Variants in FSTL5 observed in about 807,000 individuals in gnomAD.
The protein encoded by FSTL5 is follistatin like 5, also known as follistatin-related protein 5.
A neutral mutation model predicts 89.1 loss-of-function variants in FSTL5; 62 were observed. The observed-to-expected ratio is 0.70, with a 90% CI of 0.57 to 0.86. The LOEUF is 0.86. FSTL5 is among the 40% of genes least tolerant of loss of function. The pLI, the probability that FSTL5 is intolerant of heterozygous loss-of-function variation, is 0.00. For synonymous variants in FSTL5, 383 were observed against 346.2 expected, an observed-to-expected ratio of 1.11 and a Z score of -1.18; for missense variants, 1,057 against 1,001.6, an observed-to-expected ratio of 1.06 and a Z score of -0.75.
At chr4:161,834,115 G>A (rs1236678411) in intron 4 of FSTL5, among the ~76,000 whole-genome samples, 5 of 151,996 alleles carry the variant, frequency 3.3e-5, no homozygotes, top group Non-Finnish European at 7.4e-5. Context: ...TGATCAAGTG[G>A]GCTTCATCCC....
intron 1 of FSTL5, among the ~76,000 whole-genome samples, chr4:162,140,649 G>A (rs2111479277): frequency 6.6e-6 from 1 of 152,274 alleles, no homozygotes; most frequent in East Asian, 1.9e-4. Flanking sequence ...TCAGACTGAT[G>A]TATTGATAAT....
rs187532811 is a variant in FSTL5, at chr4:161,926,723, G to C, written c.161-6071C>G. On this transcript the variant is annotated intron_variant, in intron 3 of 15. Coordinates refer to ENST00000306100, the MANE Select transcript of FSTL5 (RefSeq NM_020116.5). ...AAACTTGATAACAAATTCCACAAAG[G>C]ATTTTCTAATTATTAATTTTTCCTT... Among the ~76,000 whole-genome samples, 184 of 151,772 alleles carry C rather than the reference G, an allele frequency of 1.2e-3. 1 individual carries two copies. The highest frequency in any genetic ancestry group is 5.0e-3 in the Admixed American group (76 of 15,186).
chr4:162,026,093 C>G (rs1444389220), intron 3 of FSTL5, among the ~76,000 whole-genome samples: 1 of 149,724 alleles, frequency 6.7e-6, no homozygotes, highest in Non-Finnish European at 1.5e-5. Context: ...TTTTTATTGG[C>G]AAATAAAACA....
intron 8 of FSTL5, among the ~76,000 whole-genome samples, chr4:161,571,590 C>T (rs939004096): frequency 5.3e-5 from 8 of 152,086 alleles, no homozygotes; most frequent in African/African-American, 1.9e-4. Flanking sequence ...AAACTGAATA[C>T]TGCGCAAGAT....
intron 4 of FSTL5, among the ~76,000 whole-genome samples, chr4:161,860,132 C>CA (rs1426500987): frequency 6.6e-6 from 1 of 151,762 alleles, no homozygotes; most frequent in African/African-American, 2.4e-5. Context: ...ACTAAAAATA[C>CA]AAAAAATTAG....
intron 7 of FSTL5, among the ~76,000 whole-genome samples, chr4:161,651,468 T>A (rs1404727284): frequency 3.3e-5 from 5 of 152,244 alleles, no homozygotes; most frequent in Middle Eastern, 3.4e-3. Flanking sequence ...AAATTACTAT[T>A]TTTTTAGGTA....
chr4:161,693,346 A>AT, intron 6 of FSTL5, among the ~76,000 whole-genome samples: 1 of 152,118 alleles, frequency 6.6e-6, no homozygotes, highest in African/African-American at 2.4e-5. Context: ...TTCCTCTTAT[A>AT]TTTTTGTAAG....
chr4:161,717,891 G>A (rs1021212764), intron 6 of FSTL5, among the ~76,000 whole-genome samples: 7 of 152,020 alleles, frequency 4.6e-5, no homozygotes, highest in African/African-American at 1.7e-4. Context: ...ATAGGTTATA[G>A]TTATTAAAAA....
chr4:161,688,427 A>G (rs545931824), intron 6 of FSTL5, among the ~76,000 whole-genome samples: 3 of 152,266 alleles, frequency 2.0e-5, no homozygotes, highest in Admixed American at 6.5e-5. Flanking sequence ...AATAGATGAA[A>G]ACAAAACTGC....
chr4:161,557,030 T>C (rs942629877), intron 8 of FSTL5, among the ~76,000 whole-genome samples: 23 of 151,358 alleles, frequency 1.5e-4, no homozygotes, highest in African/African-American at 5.6e-4. Flanking sequence ...CTACTTGTAC[T>C]TGGAAGTTCT....
At chr4:162,023,222 A>T (rs1737158930) in intron 3 of FSTL5, among the ~76,000 whole-genome samples, 1 of 152,040 alleles carries the variant, frequency 6.6e-6, no homozygotes, top group Admixed American at 6.6e-5. Flanking sequence ...GCAATCTAAG[A>T]CTCAGGAAGA....
chr4:161,781,171 G>C (rs188143961), intron 4 of FSTL5, among the ~76,000 whole-genome samples: 160 of 151,824 alleles, frequency 1.1e-3, no homozygotes, highest in Non-Finnish European at 1.8e-3. Flanking sequence ...TGTATTTAAA[G>C]CATAAAAAAG....
Position 161,455,104 on chromosome 4 carries a change from C to T in FSTL5, c.1741G>A (p.Val581Met). The change falls in exon 15 of 16, where the codon GTG becomes ATG. Residue 581 changes from valine (V) to methionine (M), a missense_variant. Physicochemically the swap from Val to Met is conservative, Grantham distance 21. Coordinates refer to ENST00000306100, the MANE Select transcript of FSTL5 (RefSeq NM_020116.5). ...LQVITLASGN[V>M]PHHTIHTQPV... ...TGGGTGTGGATCGTGTGGTGAGGCACATTCCCACTGGCCAGGGTAATTACC... is the reference window on the plus strand; with the variant it reads ...TGGGTGTGGATCGTGTGGTGAGGCATATTCCCACTGGCCAGGGTAATTACC... The T allele has an allele frequency of 2.5e-6, 4 of 1,610,286 alleles. No homozygotes were observed. Among genetic ancestry groups the T allele is most frequent in the South Asian group, 1.1e-5 (1 of 90,562 alleles).
intron 2 of FSTL5, among the ~76,000 whole-genome samples, chr4:162,079,302 C>T (rs1490568359): frequency 4.0e-5 from 6 of 151,644 alleles, no homozygotes; most frequent in Non-Finnish European, 8.9e-5. Flanking sequence ...AGCATGTCTA[C>T]ATGTCTATTT....
intron 1 of FSTL5, among the ~76,000 whole-genome samples, chr4:162,131,814 C>G (rs1203273923): frequency 6.6e-6 from 1 of 152,224 alleles, no homozygotes; most frequent in African/African-American, 2.4e-5. Context: ...TTTCCGCAGT[C>G]ATAGACCAGC....
At chr4:161,953,079 G>C (rs1734940753) in intron 3 of FSTL5, among the ~76,000 whole-genome samples, 1 of 151,754 alleles carries the variant, frequency 6.6e-6, no homozygotes, top group Non-Finnish European at 1.5e-5. Flanking sequence ...AAGATAGATG[G>C]CTGGATCAAA....
chr4:161,385,707 A>G lies in FSTL5; in HGVS notation c.*40T>C. 14 of 1,360,244 alleles carry G rather than the reference A, an allele frequency of 1.0e-5. No homozygotes were observed. Among genetic ancestry groups the G allele is most frequent in the African/African-American group, 1.5e-5 (1 of 68,708 alleles). 84.3% of individuals were successfully genotyped at this position (1,360,244 alleles called of 1,614,324 possible). ...TTAAACAATGGATTAAGTGCAATGTATTGTAAAACGCTTCATTCAATAATT... is the reference window on the plus strand; with the variant it reads ...TTAAACAATGGATTAAGTGCAATGTGTTGTAAAACGCTTCATTCAATAATT... On this transcript the variant is annotated 3_prime_UTR_variant, in exon 16 of 16. Transcript: ENST00000306100.
At chr4:161,611,900 G>A (rs1734668453) in intron 7 of FSTL5, among the ~76,000 whole-genome samples, 1 of 152,320 alleles carries the variant, frequency 6.6e-6, no homozygotes, top group South Asian at 2.1e-4. Flanking sequence ...AGCTGCTGTA[G>A]TTAAAACTGC....
chr4:161,651,636 T>G (rs12499027), intron 7 of FSTL5, among the ~76,000 whole-genome samples: 1 of 151,962 alleles, frequency 6.6e-6, no homozygotes, highest in African/African-American at 2.4e-5. Flanking sequence ...ATTTAAAGTG[T>G]TTTTTCTCAT....
Sources: allele counts gnomAD v4.1 joint callset (sites outside exome capture counted in the v4.1 genomes callset), GRCh38; gene constraint gnomAD v4.1.1; transcripts MANE v1.5; gene names NCBI Gene and HGNC (gene_info 2026-07-23, HGNC 2026-07-21).